CARD10: variants seen among roughly 807,000 people sequenced by gnomAD.
The protein encoded by CARD10 is caspase recruitment domain-containing protein 10.
CARD10 carries 49 observed loss-of-function variants against 114.6 expected under a neutral mutation model. The ratio of observed to expected loss-of-function variants is 0.43; its 90% CI spans 0.34 to 0.54. CARD10 has a LOEUF of 0.54. Among genes scored for constraint, CARD10 ranks in the 20% least tolerant of loss-of-function variants. The pLI, the probability that CARD10 is intolerant of heterozygous loss-of-function variation, is 0.03. For synonymous variants in CARD10, 602 were observed against 593.2 expected (o/e 1.01, Z -0.21); for missense variants, 1,206 against 1,397.2 (o/e 0.86, Z 2.18).
chr22:37,513,327 G>A lies in CARD10; in HGVS notation c.699+2646C>T, dbSNP rs1923727093. On this transcript the variant is annotated intron_variant, in intron 3 of 19. Coordinates refer to ENST00000251973, the MANE Select transcript of CARD10 (RefSeq NM_014550.4). ...GGGTTTCACCACGTTAGCCGGGATGGTCTCAATCTTCTGACCTCATGATCC... is the reference window on the plus strand; with the variant it reads ...GGGTTTCACCACGTTAGCCGGGATGATCTCAATCTTCTGACCTCATGATCC... Among the ~76,000 whole-genome samples, 4 of 152,160 alleles carry A rather than the reference G, an allele frequency of 2.6e-5. No homozygotes were observed. In the South Asian group the frequency reaches 8.3e-4, roughly 32 times the overall value.
chr22:37,500,172 A>T (rs933080603), intron 11 of CARD10, among the ~76,000 whole-genome samples: 9 of 152,208 alleles, frequency 5.9e-5, no homozygotes. Context: ...CCTCCTGACA[A>T]CCCGATGGTT....
At chr22:37,500,076 T>C (rs1601811090) in intron 11 of CARD10, among the ~76,000 whole-genome samples, 1 of 152,172 alleles carries the variant, frequency 6.6e-6, no homozygotes, top group Admixed American at 6.5e-5. Context: ...TGGGAAGATA[T>C]CTGAGTAGTC....
At chr22:37,509,029 G>A (rs1427550833) in intron 4 of CARD10, 3 of 1,549,998 alleles carry the variant, frequency 1.9e-6, no homozygotes, top group African/African-American at 1.4e-5. Context: ...GCAGACGGAG[G>A]CCATTCCCAA....
At chr22:37,512,465 C>CCACACACAAACA (rs1923690970) in intron 3 of CARD10, among the ~76,000 whole-genome samples, 1 of 113,774 alleles carries the variant, frequency 8.8e-6, no homozygotes, top group Admixed American at 9.6e-5. Flanking sequence ...AGCCCCCCCT[C>CCACACACAAACA]CACACACACA....
chr22:37,507,705 C>T (rs1199006203), intron 6 of CARD10, 124 bp downstream of exon 6: 1 of 1,260,280 alleles, frequency 7.9e-7, no homozygotes, highest in African/African-American at 1.5e-5. Context: ...GTGCCCCGTC[C>T]TAACCCAACA....
intron 3 of CARD10, chr22:37,511,836 T>A (rs528817304): frequency 7.2e-5 from 11 of 152,288 alleles, no homozygotes; most frequent in African/African-American, 2.4e-4. Flanking sequence ...GGCTGTTGGT[T>A]CATCTCCCTC....
In CARD10 at chr22:37,495,845, T is replaced by G; in HGVS notation, c.2218A>C (p.Lys740Gln). ...GTGCAGAACCATTCCTGCCTCCGCT[T>G]GTATGCCGAGTCCACCAGTCGAAGG... is the stretch of plus-strand genomic sequence containing the variant. ...EILRLVDSAY[K>Q]RRQEWFCTRV... The change falls in exon 14 of 20, where the codon AAG (lysine) becomes CAG (glutamine). Residue 740 changes from lysine (K) to glutamine (Q), a missense_variant. Transcript: ENST00000251973. The G allele has an allele frequency of 3.1e-6, 5 of 1,614,102 alleles. No individual in the cohort carries two copies. Among genetic ancestry groups the G allele is most frequent in the Non-Finnish European group, 4.2e-6 (5 of 1,180,034 alleles).
chr22:37,518,852 C>G (rs377218895), intron 1 of CARD10, 114 bp downstream of exon 1: 26 of 1,297,630 alleles, frequency 2.0e-5, no homozygotes, highest in Admixed American at 5.5e-5. Context: ...TCTACTGATG[C>G]GGAGACCGAG....
rs139873712 is a variant in CARD10, at chr22:37,499,262, C to G, written c.1788-2084G>C. ...TCAGCCGCTTGAGCCTCAGCTCCACCCACCTCCCTGGCTACTCGCTGAGTT... is the reference window on the plus strand; with the variant it reads ...TCAGCCGCTTGAGCCTCAGCTCCACGCACCTCCCTGGCTACTCGCTGAGTT... On this transcript the variant is annotated intron_variant, in intron 11 of 19. Transcript: ENST00000251973. Among the ~76,000 whole-genome samples the G allele has an allele frequency of 3.9e-3, 597 of 152,232 alleles. 5 individuals are homozygous for G. The highest frequency in any genetic ancestry group is 0.014 in the African/African-American group (568 of 41,536).
chr22:37,498,125 A>G (rs974296099), intron 11 of CARD10, among the ~76,000 whole-genome samples: 6 of 152,206 alleles, frequency 3.9e-5, no homozygotes, highest in Non-Finnish European at 8.8e-5. Context: ...TAACAATAGC[A>G]GCGAACACTT....
chr22:37,493,995 A>C (rs1316112204), intron 16 of CARD10, 91 bp downstream of exon 16: 10 of 1,000,428 alleles, frequency 1.0e-5, no homozygotes, highest in Non-Finnish European at 1.5e-5. Context: ...TTCCAGGCCA[A>C]AGAGGCCACC....
chr22:37,494,052 A>C, intron 16 of CARD10, 34 bp downstream of exon 16: 1 of 1,432,888 alleles, frequency 7.0e-7, no homozygotes, highest in Non-Finnish European at 9.6e-7. Context: ...CAATGGGAGC[A>C]ACACGGGATA....
At chr22:37,504,088 T>C (rs1461879291) in intron 9 of CARD10, 98 bp downstream of exon 9, 3 of 868,746 alleles carry the variant, frequency 3.5e-6, no homozygotes, top group Non-Finnish European at 1.9e-6. Flanking sequence ...AGTGACTGCC[T>C]GGACCTGACT....
At chr22:37,504,527 G>T in intron 8 of CARD10, 108 bp downstream of exon 8, 1 of 1,438,874 alleles carries the variant, frequency 6.9e-7, no homozygotes, top group Admixed American at 2.6e-5. Flanking sequence ...GCCTCCCTGC[G>T]CCTCAGTGTC....
Position 37,496,638 on chromosome 22 carries a change from G to T in CARD10, c.1948-78C>A. ...CAGCCCAGGGGCTGGAGGAAGACCAGGTGTGGGGGTGTTTCATGCCTCACA... is the reference window on the plus strand; with the variant it reads ...CAGCCCAGGGGCTGGAGGAAGACCATGTGTGGGGGTGTTTCATGCCTCACA... On this transcript the variant is annotated intron_variant, in intron 12 of 19. Transcript: ENST00000251973. The surrounding 1 kb of genome is among the most constrained non-coding windows in gnomAD (Gnocchi z 4.1). The T allele has an allele frequency of 1.0e-6, 1 of 1,000,132 alleles. No individual in the cohort carries two copies. The highest frequency in any genetic ancestry group is 1.5e-6 in the Non-Finnish European group (1 of 652,336). 62.0% of individuals were successfully genotyped at this position (1,000,132 alleles called of 1,614,324 possible). A position where few individuals can be genotyped will look rare whatever the true frequency, so the allele number is the denominator to read the frequency against.
chr22:37,503,056 G>T (rs1923274260), intron 10 of CARD10, 129 bp downstream of exon 10: 13 of 1,046,644 alleles, frequency 1.2e-5, no homozygotes, highest in Non-Finnish European at 1.9e-5. Flanking sequence ...GCCTGGCAGG[G>T]GCCACGGCGG....
chr22:37,494,080 A>ACTC lies in CARD10; in HGVS notation c.2476+3_2476+5dup. The ACTC allele has an allele frequency of 6.5e-7, 1 of 1,546,820 alleles. No individual in the cohort carries two copies. The highest frequency in any genetic ancestry group is 8.8e-7 in the Non-Finnish European group (1 of 1,142,498). On this transcript the variant is annotated splice_donor_region_variant and intron_variant, in intron 16 of 19. Coordinates refer to ENST00000251973, the MANE Select transcript of CARD10 (RefSeq NM_014550.4). ...ACGGGATACAGCTTTGCCCCCGCGC[A>ACTC]CTCACCTGCACAGGGCTCCAGCAGC...
intron 6 of CARD10, among the ~76,000 whole-genome samples, chr22:37,506,716 G>A (rs1050692470): frequency 2.6e-5 from 4 of 152,130 alleles, no homozygotes; most frequent in Non-Finnish European, 2.9e-5. Context: ...GAGACCTGCT[G>A]TGTGCCAGGG....
intron 1 of CARD10, 37 bp from the exon 2 acceptor site, chr22:37,518,145 G>A: frequency 1.2e-6 from 2 of 1,600,022 alleles, no homozygotes; most frequent in Non-Finnish European, 1.7e-6. Context: ...AGGGTCTAGG[G>A]GAAGGCCTCC....
Sources: allele counts gnomAD v4.1 joint callset (sites outside exome capture counted in the v4.1 genomes callset), GRCh38; gene constraint gnomAD v4.1.1; non-coding constraint Gnocchi (gnomAD v3.1); transcripts MANE v1.5; gene names NCBI Gene and HGNC (gene_info 2026-07-23, HGNC 2026-07-21).